DNAH12: variants seen among roughly 807,000 people sequenced by gnomAD.
DNAH12 encodes dynein axonemal heavy chain 12.
Under a neutral mutation model 371.5 loss-of-function variants are expected in DNAH12, and 285 were observed. The observed-to-expected ratio is 0.77, with a 90% CI of 0.70 to 0.85. DNAH12 has a LOEUF of 0.85. Ranked by LOEUF, DNAH12 falls within the 40% of genes least tolerant of loss-of-function variation. The pLI is 0.00. For missense variants in DNAH12, 3,611 were observed against 3,689.4 expected (o/e 0.98, Z 0.55); for synonymous variants, 1,200 against 1,213.0 (o/e 0.99, Z 0.22).
chr3:57,322,101 A>C (rs932811663), intron 65 of DNAH12, among the ~76,000 whole-genome samples: 4 of 152,304 alleles, frequency 2.6e-5, no homozygotes, highest in African/African-American at 9.6e-5. Flanking sequence ...TTGGCTTACA[A>C]ACTAAGATTC....
chr3:57,396,602 C>G (rs2063747094), intron 43 of DNAH12, among the ~76,000 whole-genome samples: 1 of 152,048 alleles, frequency 6.6e-6, no homozygotes, highest in South Asian at 2.1e-4. Context: ...ATTACAGGTG[C>G]ATTCCACTAC....
intron 59 of DNAH12, among the ~76,000 whole-genome samples, chr3:57,352,708 G>C (rs1553661036): frequency 6.6e-6 from 1 of 151,866 alleles, no homozygotes; most frequent in African/African-American, 2.4e-5. Context: ...CTATGGTAGG[G>C]AGGGAAATGT....
At chr3:57,317,210 A>G (rs74786081) in intron 65 of DNAH12, among the ~76,000 whole-genome samples, 3,585 of 152,288 alleles carry the variant, frequency 0.024, 66 homozygotes, top group Admixed American at 0.035. Flanking sequence ...ACATGTTTTA[A>G]TAATTTTCAT....
At position 57,487,403 on chromosome 3, in the gene DNAH12, G is replaced by GA. The variant is rs1283179318; in HGVS notation, c.1514+2105dup. Among the ~76,000 whole-genome samples the GA allele has an allele frequency of 1.2e-3, 120 of 97,958 alleles. 1 individual carries two copies. Among genetic ancestry groups the GA allele is most frequent in the African/African-American group, 4.0e-3 (106 of 26,574 alleles). 64.3% of individuals were successfully genotyped at this position (97,958 alleles called of 152,430 possible). On this transcript the variant is annotated intron_variant, in intron 12 of 73. Coordinates refer to ENST00000495027, the MANE Select transcript of DNAH12 (RefSeq NM_001366028.2). ...AAAAAAAGAAAGAGAAAGAAAGAAA[G>GA]AAAAAAAAGAAAAAGAAAGAAAAAA...
At chr3:57,431,726 G>C (rs1400766987) in intron 32 of DNAH12, among the ~76,000 whole-genome samples, 1 of 152,132 alleles carries the variant, frequency 6.6e-6, no homozygotes, top group Non-Finnish European at 1.5e-5. Context: ...GGCAGACCTT[G>C]GTACTACTAA....
At chr3:57,497,658 T>G (rs1433773044) in intron 11 of DNAH12, among the ~76,000 whole-genome samples, 1 of 152,202 alleles carries the variant, frequency 6.6e-6, no homozygotes, top group African/African-American at 2.4e-5. Flanking sequence ...ATGTGTTGTT[T>G]AGGAATTCTA....
At chr3:57,322,304 A>T (rs1434551008) in intron 65 of DNAH12, 39 bp downstream of exon 65, 3 of 1,528,496 alleles carry the variant, frequency 2.0e-6, no homozygotes. Context: ...TTTGATCACT[A>T]TAAAACACAT....
chr3:57,429,173 CCA>C (rs2064876336), intron 33 of DNAH12, among the ~76,000 whole-genome samples: 1 of 102,062 alleles, frequency 9.8e-6, no homozygotes, highest in Non-Finnish European at 2.1e-5. Flanking sequence ...TCACTCCTCT[CCA>C]CACATTTTTT....
At chr3:57,549,044 C>T (rs1315443043), upstream of DNAH12, 2 of 151,896 alleles carry the variant, frequency 1.3e-5, no homozygotes, top group East Asian at 1.9e-4. Context: ...AGAGCAGGGC[C>T]GGATGCAGTG....
rs1368770378 is a variant in DNAH12 at position 57,457,889 on chromosome 3, G to A, written c.3168C>T (p.Phe1056=). The change falls in exon 22 of 74, where the codon TTC becomes TTT. Residue 1056 remains phenylalanine (F), a synonymous_variant. Coordinates refer to ENST00000495027, the MANE Select transcript of DNAH12 (RefSeq NM_001366028.2). Reference sequence around the variant, plus strand: ...TGGCTTTAATGTCCAAATTGGGAAGGAACTCTAATTTAGCAATGCCCTCAA... The same window carrying A: ...TGGCTTTAATGTCCAAATTGGGAAGAAACTCTAATTTAGCAATGCCCTCAA... ...KCFEGIAKLE[F]LPNLDIKAMY... 11 of 1,551,466 alleles carry A rather than the reference G, an allele frequency of 7.1e-6. No individual in the cohort carries two copies. The highest frequency in any genetic ancestry group is 9.6e-6 in the Non-Finnish European group (11 of 1,146,982).
In DNAH12 at chr3:57,323,133, C is replaced by T. The variant is rs1282216861; in HGVS notation, c.10257G>A (p.Val3419=). The change falls in exon 64 of 74, where the codon GTG becomes GTA. Residue 3419 remains valine (V), a synonymous_variant. Coordinates refer to ENST00000495027, the MANE Select transcript of DNAH12 (RefSeq NM_001366028.2). ...IKAAIEEGTW[V]CLQNCHLAVS... is the part of the protein sequence containing the mutation. The stretch of plus-strand genomic sequence containing the variant: ...CTGCAAGATGGCAATTCTGTAGGCA[C>T]ACCCAAGTTCCTTCTTCAATTGCTG... 2 of 1,552,414 alleles carry T rather than the reference C, an allele frequency of 1.3e-6. No individual in the cohort carries two copies. The highest frequency in any genetic ancestry group is 4.9e-5 in the East Asian group (2 of 40,922).
chr3:57,299,252 C>T (rs1303717687), intron 70 of DNAH12, among the ~76,000 whole-genome samples: 3 of 152,196 alleles, frequency 2.0e-5, no homozygotes, highest in Non-Finnish European at 4.4e-5. Flanking sequence ...TGGTCAGCTA[C>T]TTGTACTACC....
intron 1 of DNAH12, 143 bp downstream of exon 1, chr3:57,544,054 A>T (rs1207656082): frequency 6.6e-6 from 1 of 152,228 alleles, no homozygotes; most frequent in Non-Finnish European, 1.5e-5. Flanking sequence ...CTCAAAAAAA[A>T]ATTGTACTGT....
intron 36 of DNAH12, among the ~76,000 whole-genome samples, chr3:57,420,626 T>C (rs1430134420): frequency 1.4e-5 from 2 of 145,842 alleles, no homozygotes; most frequent in Admixed American, 7.0e-5. Context: ...AATATGCTTG[T>C]GGGCCGGGCG....
In DNAH12 at chr3:57,309,783, T is replaced by C; in HGVS notation, c.10968A>G (p.Gln3656=). 6.4e-7 allele frequency: 1 copy of C among 1,551,584 alleles called. No individual in the cohort carries two copies. Among genetic ancestry groups the C allele is most frequent in the Non-Finnish European group, 8.7e-7 (1 of 1,146,906 alleles). ...HENVDISKDL[Q]QTKTLFESLL... ...AGGACTCAAAGAGGGTTTTTGTTTG[T>C]TGAAGATCCTTGGAGATGTCAACGT... The change falls in exon 68 of 74, where the codon CAA becomes CAG. Residue 3656 remains glutamine (Q), a synonymous_variant. Transcript: ENST00000495027.
chr3:57,499,669 T>C lies in DNAH12; in HGVS notation c.1335+1652A>G, dbSNP rs189899869. ...AAAAATATATATATATATATATATA[T>C]ATATATACTTCTTAAAAAAATTAGC... On this transcript the variant is annotated intron_variant, in intron 11 of 73. Coordinates refer to ENST00000495027, the MANE Select transcript of DNAH12 (RefSeq NM_001366028.2). Among the ~76,000 whole-genome samples, 307 of 49,698 alleles carry C rather than the reference T, an allele frequency of 6.2e-3. 25 individuals are homozygous for C. Among genetic ancestry groups the C allele is most frequent in the African/African-American group, 0.017 (199 of 11,678 alleles). The allele number at this position is 49,698 out of a possible 152,430, so 32.6% of individuals were successfully genotyped here. A position where few individuals can be genotyped will look rare whatever the true frequency, so the allele number is the denominator to read the frequency against.
Position 57,375,506 on chromosome 3 carries a change from A to AT in DNAH12, c.8623dup (p.Ile2875AsnfsTer11). ...CAACAAGAACTCCTCTGAACACGGG[A>AT]TTTTTTTCTTCTGTAAGAAATAAAC... On this transcript the variant is annotated frameshift_variant, in exon 55 of 74. Coordinates refer to ENST00000495027, the MANE Select transcript of DNAH12 (RefSeq NM_001366028.2). LOFTEE classifies it high-confidence loss of function. 1 of 152,148 alleles carries AT rather than the reference A, an allele frequency of 6.6e-6. No individual in the cohort carries two copies. The highest frequency in any genetic ancestry group is 1.9e-4 in the East Asian group (1 of 5,184). The allele number at this position is 152,148 out of a possible 1,614,324, so 9.4% of individuals were successfully genotyped here. A position where few individuals can be genotyped will look rare whatever the true frequency, so the allele number is the denominator to read the frequency against.
chr3:57,516,331 G>T (rs2068194098), intron 4 of DNAH12, among the ~76,000 whole-genome samples: 1 of 151,890 alleles, frequency 6.6e-6, no homozygotes, highest in African/African-American at 2.4e-5. Flanking sequence ...CAAAGTGCTG[G>T]GATTACAGGC....
chr3:57,390,424 A>AAAAAAAAAAAAATATATATATATATATAT, intron 45 of DNAH12, among the ~76,000 whole-genome samples: 3 of 33,422 alleles, frequency 9.0e-5, no homozygotes, highest in African/African-American at 1.3e-4. Flanking sequence ...AAAAAAAAAA[A>AAAAAAAAAAAAATATATATATATATATAT]ATATATATAT....
Sources: allele counts gnomAD v4.1 joint callset (sites outside exome capture counted in the v4.1 genomes callset), GRCh38; gene constraint gnomAD v4.1.1; transcripts MANE v1.5; gene names NCBI Gene and HGNC (gene_info 2026-07-23, HGNC 2026-07-21).